The following PARD3 variants were observed in gnomAD, a reference collection of about 807,000 sequenced individuals.
PARD3 encodes the protein partitioning defective 3 homolog.
A neutral mutation model predicts 155.4 loss-of-function variants in PARD3; 75 were observed. That is an observed-to-expected ratio of 0.48 (90% confidence interval 0.40 to 0.58). The LOEUF is 0.58. Among genes scored for constraint, PARD3 ranks in the 20% least tolerant of loss-of-function variants. The probability of loss-of-function intolerance (pLI) is 0.00; values close to 1 mark genes in which losing one functional copy is unlikely to be tolerated. For missense variants in PARD3, 1,642 were observed against 1,721.7 expected (o/e 0.95, Z 0.82); for synonymous variants, 576 against 610.5 (o/e 0.94, Z 0.83).
chr10:34,681,755 TATATATATATATA>T (rs1389897977), intron 2 of PARD3, among the ~76,000 whole-genome samples: 6 of 19,812 alleles, frequency 3.0e-4, no homozygotes, highest in African/African-American at 1.6e-3. Context: ...TATATATATA[TATATATATATATA>T]TTTTTTTTTT....
chr10:34,276,667 G>A (rs1168855237), intron 21 of PARD3, among the ~76,000 whole-genome samples: 2 of 152,080 alleles, frequency 1.3e-5, no homozygotes, highest in African/African-American at 4.8e-5. Flanking sequence ...AACCACCGAA[G>A]TGACCAAACT....
At chr10:34,776,373 G>C (rs945612919) in intron 1 of PARD3, among the ~76,000 whole-genome samples, 5 of 152,138 alleles carry the variant, frequency 3.3e-5, no homozygotes, top group Non-Finnish European at 2.9e-5. Context: ...ATCTGAGAAA[G>C]ACAGAATGGC....
intron 2 of PARD3, among the ~76,000 whole-genome samples, chr10:34,631,916 G>T (rs1445166705): frequency 6.6e-6 from 1 of 152,170 alleles, no homozygotes; most frequent in Non-Finnish European, 1.5e-5. Context: ...GTCTTAATAG[G>T]TGGATGTTTT....
Position 34,254,537 on chromosome 10 carries a change from C to CGTGTGTGTGTGT in PARD3, c.3419+15108_3419+15119dup, listed in dbSNP as rs55901749. On this transcript the variant is annotated intron_variant, in intron 22 of 24. Transcript: ENST00000374788. The stretch of plus-strand genomic sequence containing the variant: ...GAGTATTAACATCTAGGTAGGTAAA[C>CGTGTGTGTGTGT]GTGTGTGTGTGTGTGTGTGTGTGTG... Among the ~76,000 whole-genome samples, 6 of 145,606 alleles carry CGTGTGTGTGTGT rather than the reference C, an allele frequency of 4.1e-5. No homozygotes were observed. The East Asian group carries it at 8.3e-4, about 20-fold the overall frequency.
chr10:34,499,700 T>C (rs887382660), intron 3 of PARD3, among the ~76,000 whole-genome samples: 8 of 152,206 alleles, frequency 5.3e-5, no homozygotes, highest in African/African-American at 1.9e-4. Flanking sequence ...CATACTCTAT[T>C]TCTCTAAGCC....
At chr10:34,593,388 A>C (rs1319528070) in intron 2 of PARD3, among the ~76,000 whole-genome samples, 1 of 152,224 alleles carries the variant, frequency 6.6e-6, no homozygotes, top group Admixed American at 6.5e-5. Flanking sequence ...GTATAAAGCA[A>C]TGTATAAGTT....
At chr10:34,372,646 A>G in intron 11 of PARD3, 110 bp from the exon 12 acceptor site, 1 of 777,248 alleles carries the variant, frequency 1.3e-6, no homozygotes, top group Non-Finnish European at 2.2e-6. Flanking sequence ...TAAAATCCAC[A>G]AAATATATAA....
rs534081114 is a variant in PARD3 at position 34,543,190 on chromosome 10, G to C, written c.223-26031C>G. ...GGAGGCTGAGGTGGGAGGAACCCTG[G>C]AGCCTAGAAGGTTGAGGCTACCATG... On this transcript the variant is annotated intron_variant, in intron 2 of 24. Transcript: ENST00000374788. Among the ~76,000 whole-genome samples the C allele has an allele frequency of 5.2e-3, 789 of 152,004 alleles. 8 individuals carry two copies. Among genetic ancestry groups the C allele is most frequent in the Admixed American group, 5.2e-3 (80 of 15,262 alleles).
At chr10:34,124,599 T>C (rs1404272739) in intron 23 of PARD3, among the ~76,000 whole-genome samples, 5 of 152,198 alleles carry the variant, frequency 3.3e-5, no homozygotes, top group Non-Finnish European at 7.3e-5. Context: ...GCCATAATTA[T>C]GTAACTATTG....
intron 22 of PARD3, among the ~76,000 whole-genome samples, chr10:34,193,549 C>T (rs1337134460): frequency 1.3e-5 from 2 of 152,068 alleles, no homozygotes; most frequent in Non-Finnish European, 2.9e-5. Context: ...TGATGCCTCC[C>T]GACAAATATT....
intron 2 of PARD3, among the ~76,000 whole-genome samples, chr10:34,685,682 C>T (rs1052498678): frequency 2.0e-5 from 3 of 151,894 alleles, no homozygotes; most frequent in Non-Finnish European, 2.9e-5. Flanking sequence ...CAACCTCCGC[C>T]TCCTGGCCCT....
chr10:34,421,753 C>A (rs1425902871), intron 5 of PARD3, among the ~76,000 whole-genome samples: 2 of 152,006 alleles, frequency 1.3e-5, no homozygotes, highest in Non-Finnish European at 2.9e-5. Context: ...AGATTTCTGC[C>A]CTTCTGAAAC....
chr10:34,803,238 C>CAAAA (rs1315231535), intron 1 of PARD3, among the ~76,000 whole-genome samples: 2 of 51,356 alleles, frequency 3.9e-5, no homozygotes, highest in African/African-American at 2.3e-4. Flanking sequence ...GACTCCGTCT[C>CAAAA]AAAAAAATAA....
intron 2 of PARD3, among the ~76,000 whole-genome samples, chr10:34,559,232 AAGT>A (rs1383460632): frequency 6.6e-6 from 1 of 152,168 alleles, no homozygotes; most frequent in Non-Finnish European, 1.5e-5. Flanking sequence ...CTTATTGGCA[AAGT>A]AGTATTTTTC....
rs558897259 is a variant in PARD3, at chr10:34,462,351, ACTT to A, written c.582+7731_582+7733del. Among the ~76,000 whole-genome samples, 133 of 152,314 alleles carry A rather than the reference ACTT, an allele frequency of 8.7e-4. 2 individuals carry two copies. The highest frequency in any genetic ancestry group is 7.9e-3 in the South Asian group (38 of 4,824). ...CTCACAAATAACCAAACGATAAACAACTTCTTCTCAGCAGCCAACTGGTCAAGT... is the reference window on the plus strand; with the variant it reads ...CTCACAAATAACCAAACGATAAACAACTTCTCAGCAGCCAACTGGTCAAGT... On this transcript the variant is annotated intron_variant, in intron 4 of 24. Transcript: ENST00000374788.
chr10:34,400,717 C>CA (rs1177247723), intron 6 of PARD3, among the ~76,000 whole-genome samples: 1 of 152,058 alleles, frequency 6.6e-6, no homozygotes, highest in African/African-American at 2.4e-5. Context: ...ACAGGAATAT[C>CA]AAGCAAATCA....
Position 34,157,928 on chromosome 10 carries a change from C to T in PARD3, c.3420-26345G>A, listed in dbSNP as rs191648148. Among the ~76,000 whole-genome samples the T allele has an allele frequency of 6.6e-4, 101 of 152,320 alleles. 1 individual carries two copies. Among genetic ancestry groups the T allele is most frequent in the Admixed American group, 3.3e-3 (51 of 15,304 alleles). On this transcript the variant is annotated intron_variant, in intron 22 of 24. Coordinates refer to ENST00000374788, the MANE Select transcript of PARD3 (RefSeq NM_001184785.2). ...CTTTGACCACAACCTACAATAAAAG[C>T]GCTATATTTCATGTAGCAACCAGCA...
chr10:34,561,649 G>T (rs1486617068), intron 2 of PARD3, among the ~76,000 whole-genome samples: 1 of 151,934 alleles, frequency 6.6e-6, no homozygotes, highest in Non-Finnish European at 1.5e-5. Context: ...CTCCCGAGTA[G>T]CTGGGATTAC....
chr10:34,338,870 A>C (rs1024724211), intron 16 of PARD3, among the ~76,000 whole-genome samples: 3 of 152,218 alleles, frequency 2.0e-5, no homozygotes, highest in African/African-American at 7.2e-5. Flanking sequence ...TCAGCAACCT[A>C]AGGTGAAAGC....
Sources: allele counts gnomAD v4.1 joint callset (sites outside exome capture counted in the v4.1 genomes callset), GRCh38; gene constraint gnomAD v4.1.1; transcripts MANE v1.5; gene names NCBI Gene and HGNC (gene_info 2026-07-23, HGNC 2026-07-21).